AFF3: variants seen among roughly 807,000 people sequenced by gnomAD.
The protein encoded by AFF3 is ALF transcription elongation factor 3.
Under a neutral mutation model 129.7 loss-of-function variants are expected in AFF3, and 32 were observed. That is an observed-to-expected ratio of 0.25 (90% CI 0.19 to 0.33). The LOEUF is 0.33. Ranked by LOEUF, AFF3 falls within the 10% of genes least tolerant of loss-of-function variation. The pLI is 1.00. For missense variants in AFF3, 1,373 were observed against 1,592.0 expected, an observed-to-expected ratio of 0.86 and a Z score of 2.34; for synonymous variants, 644 against 635.4, an observed-to-expected ratio of 1.01 and a Z score of -0.20.
chr2:99,766,012 C>A (rs901747395), intron 8 of AFF3, among the ~76,000 whole-genome samples: 1 of 152,190 alleles, frequency 6.6e-6, no homozygotes, highest in Non-Finnish European at 1.5e-5. Context: ...AAGCTTTGCC[C>A]TCATGCTATA....
intron 7 of AFF3, among the ~76,000 whole-genome samples, chr2:99,879,469 G>A (rs990000283): frequency 6.6e-6 from 1 of 152,152 alleles, no homozygotes; most frequent in Non-Finnish European, 1.5e-5. Context: ...TACAGCGTGT[G>A]TATCAGTATT....
chr2:100,034,497 C>T (rs1229896373), intron 4 of AFF3, among the ~76,000 whole-genome samples: 4 of 151,976 alleles, frequency 2.6e-5, no homozygotes, highest in Non-Finnish European at 5.9e-5. Context: ...CTAGCTTCTT[C>T]CAACACAATG....
At chr2:99,933,044 T>C (rs1674182585) in intron 7 of AFF3, among the ~76,000 whole-genome samples, 1 of 152,168 alleles carries the variant, frequency 6.6e-6, no homozygotes, top group Non-Finnish European at 1.5e-5. Context: ...TATATGTGCA[T>C]AATTAAAAGA....
intron 7 of AFF3, among the ~76,000 whole-genome samples, chr2:99,900,955 G>C (rs144159873): frequency 1.3e-5 from 2 of 152,328 alleles, no homozygotes; most frequent in African/African-American, 4.8e-5. Flanking sequence ...CTAAAGAGCC[G>C]CAAGTGCAGG....
chr2:100,106,100 A>G (rs1691276766), intron 2 of AFF3: 2 of 1,283,086 alleles, frequency 1.6e-6, no homozygotes, highest in Admixed American at 2.3e-5. Context: ...AAGGCCAATG[A>G]GACTTCTTTC....
rs1573470115 is a variant in AFF3, at chr2:100,128,417, A to G, written c.-145+807T>C. ...TCTCTCTTTCCTCTAGCCCAGCCTC[A>G]TGGGGAAACCTCTCCAGAGGCCTCT... is the stretch of plus-strand genomic sequence containing the variant. On this transcript the variant is annotated intron_variant, in intron 2 of 24. Transcript: ENST00000672756. 2.6e-5 allele frequency among the ~76,000 whole-genome samples: 4 copies of G among 152,126 alleles called. No individual in the cohort carries two copies. In the East Asian group the frequency reaches 7.7e-4, roughly 29 times the overall value.
chr2:99,662,894 C>T (rs1686368729), intron 12 of AFF3, among the ~76,000 whole-genome samples: 1 of 152,214 alleles, frequency 6.6e-6, no homozygotes, highest in Admixed American at 6.5e-5. Context: ...AAATCCCAGA[C>T]AAGCACAATG....
intron 7 of AFF3, among the ~76,000 whole-genome samples, chr2:99,889,815 C>G (rs1223351208): frequency 1.3e-5 from 2 of 152,172 alleles, no homozygotes; most frequent in African/African-American, 4.8e-5. Context: ...TGTGCCACCA[C>G]ACCAGGCTAA....
chr2:99,717,063 G>A (rs1188608089), intron 11 of AFF3, among the ~76,000 whole-genome samples: 1 of 152,124 alleles, frequency 6.6e-6, no homozygotes, highest in Non-Finnish European at 1.5e-5. Context: ...CCATGCTATA[G>A]CGTGAGCAGT....
intron 10 of AFF3, 51 bp downstream of exon 10, chr2:99,744,053 G>A (rs1680935686): frequency 2.1e-6 from 3 of 1,457,660 alleles, no homozygotes; most frequent in African/African-American, 2.8e-5. Flanking sequence ...TCTGCCCTCT[G>A]CCCCCACCCC....
At chr2:99,686,455 G>A (rs1487521051) in intron 11 of AFF3, among the ~76,000 whole-genome samples, 1 of 152,156 alleles carries the variant, frequency 6.6e-6, no homozygotes. Context: ...CTCATGGTCT[G>A]GAATGGGTCT....
At chr2:100,020,792 C>G (rs1683524595) in intron 4 of AFF3, among the ~76,000 whole-genome samples, 1 of 152,238 alleles carries the variant, frequency 6.6e-6, no homozygotes, top group Admixed American at 6.5e-5. Flanking sequence ...CCTTCCAGCC[C>G]CCTGCAGAGC....
At chr2:99,567,582 G>A (rs907615163) in intron 19 of AFF3, among the ~76,000 whole-genome samples, 5 of 152,140 alleles carry the variant, frequency 3.3e-5, no homozygotes, top group South Asian at 2.1e-4. Flanking sequence ...TGAATATGAC[G>A]CCGGGAAGGA....
intron 4 of AFF3, among the ~76,000 whole-genome samples, chr2:100,103,413 T>A (rs1180763915): frequency 2.0e-5 from 3 of 150,178 alleles, no homozygotes; most frequent in East Asian, 2.0e-4. Context: ...CAGATGTTCA[T>A]CCCCGTAAAT....
At chr2:99,558,794 G>T in intron 22 of AFF3, 81 bp downstream of exon 22, 1 of 1,362,308 alleles carries the variant, frequency 7.3e-7, no homozygotes. Context: ...CCAAAGCAAT[G>T]GAGTCTACCA....
At chr2:99,998,461 C>G (rs187985599) in intron 7 of AFF3, among the ~76,000 whole-genome samples, 2 of 151,804 alleles carry the variant, frequency 1.3e-5, no homozygotes, top group Admixed American at 1.3e-4. Context: ...AGGTCTTCAT[C>G]GCTGATGGAG....
Position 99,793,267 on chromosome 2 carries a change from C to T in AFF3, c.922-40966G>A, listed in dbSNP as rs1044887752. Among the ~76,000 whole-genome samples the T allele has an allele frequency of 2.1e-4, 32 of 152,214 alleles. 1 individual carries two copies. Among genetic ancestry groups the T allele is most frequent in the Admixed American group, 2.0e-4 (3 of 15,278 alleles). On this transcript the variant is annotated intron_variant, in intron 8 of 24. Transcript: ENST00000672756. Reference sequence around the variant, plus strand: ...GCCTGCTCCCCTTTCGCCTTCCATCCTGACTATAAGCTTCGTGAGGCCTCG... The same window carrying T: ...GCCTGCTCCCCTTTCGCCTTCCATCTTGACTATAAGCTTCGTGAGGCCTCG...
chr2:100,061,610 T>C (rs1687275892), intron 4 of AFF3, among the ~76,000 whole-genome samples: 1 of 152,206 alleles, frequency 6.6e-6, no homozygotes, highest in Non-Finnish European at 1.5e-5. Flanking sequence ...GGGCAGGTAT[T>C]AAACTGGAAG....
At chr2:99,944,594 T>C (rs1675380265) in intron 7 of AFF3, among the ~76,000 whole-genome samples, 2 of 152,200 alleles carry the variant, frequency 1.3e-5, no homozygotes, top group African/African-American at 2.4e-5. Flanking sequence ...AATATGTTTA[T>C]TTTTAAAGAA....
Sources: gnomAD v4.1 joint callset for allele counts (sites outside exome capture counted in the v4.1 genomes callset) on GRCh38, gnomAD v4.1.1 for gene constraint, MANE v1.5 for transcripts, NCBI Gene and HGNC (gene_info 2026-07-23, HGNC 2026-07-21) for gene names.